The following PIK3C3 variants were observed in gnomAD, a reference collection of about 807,000 sequenced individuals.
PIK3C3 encodes the protein phosphatidylinositol 3-kinase catalytic subunit type 3, also known as PI3-kinase type 3.
PIK3C3 carries 95 observed loss-of-function variants against 126.1 expected under a neutral mutation model. That is an observed-to-expected ratio of 0.75 (90% CI 0.64 to 0.89). The LOEUF (loss-of-function observed/expected upper bound fraction) is 0.89. PIK3C3 is among the 40% of genes least tolerant of loss of function. The pLI is 0.00. For missense variants in PIK3C3, 829 were observed against 1,063.2 expected (o/e 0.78, Z 3.06); for synonymous variants, 374 against 360.0 (o/e 1.04, Z -0.44).
intron 11 of PIK3C3, 22 bp from the exon 12 acceptor site, chr18:42,015,454 A>T (rs1016089296): frequency 6.4e-7 from 1 of 1,565,244 alleles, no homozygotes; most frequent in South Asian, 1.1e-5. Context: ...CATCTCAGTG[A>T]TCTCTTTTAT....
At chr18:42,069,106 C>G (rs537685424) in intron 24 of PIK3C3, among the ~76,000 whole-genome samples, 1 of 152,150 alleles carries the variant, frequency 6.6e-6, no homozygotes, top group Non-Finnish European at 1.5e-5. Flanking sequence ...ATTCCTGCCT[C>G]TAGATGTTAG....
At chr18:42,013,383 T>A in intron 10 of PIK3C3, 59 bp from the exon 11 acceptor site, 1 of 941,332 alleles carries the variant, frequency 1.1e-6, no homozygotes, top group Admixed American at 2.8e-5. Flanking sequence ...GAATAAATTA[T>A]GTCTGTAATA....
intron 4 of PIK3C3, among the ~76,000 whole-genome samples, chr18:41,978,121 A>G (rs1242713259): frequency 6.6e-6 from 1 of 151,938 alleles, no homozygotes; most frequent in Non-Finnish European, 1.5e-5. Context: ...ACCATGTTTG[A>G]ATAGTTTCTT....
intron 24 of PIK3C3, among the ~76,000 whole-genome samples, chr18:42,072,669 G>C (rs1985824407): frequency 6.6e-6 from 1 of 152,018 alleles, no homozygotes; most frequent in Non-Finnish European, 1.5e-5. Context: ...GTAGCTAGGA[G>C]TACAGGCATG....
At chr18:41,957,105 T>TAC (rs1979817209) in intron 1 of PIK3C3, among the ~76,000 whole-genome samples, 4 of 152,228 alleles carry the variant, frequency 2.6e-5, no homozygotes, top group African/African-American at 9.6e-5. Context: ...AGCAATGACT[T>TAC]AATATTTTAT....
Position 42,043,814 on chromosome 18 carries a change from TG to T in PIK3C3, c.2186del (p.Cys729LeufsTer6). The T allele has an allele frequency of 1.2e-6, 2 of 1,609,748 alleles. No individual in the cohort carries two copies. The highest frequency in any genetic ancestry group is 8.5e-7 in the Non-Finnish European group (1 of 1,176,252). On this transcript the variant is annotated frameshift_variant and splice_region_variant, in exon 20 of 25. Transcript: ENST00000262039. LOFTEE classifies it high-confidence loss of function. The stretch of plus-strand genomic sequence containing the variant: ...GGTCATGGACACTTACGTTAAAAGC[TG>T]TGGTAAGTTTTTCAGGCTATTACTT... ...AEVMDTYVKS[C>X]AGYCVITYIL... is the part of the protein sequence containing the mutation.
intron 4 of PIK3C3, among the ~76,000 whole-genome samples, chr18:41,974,686 T>C (rs1980828206): frequency 2.0e-5 from 3 of 152,282 alleles, no homozygotes; most frequent in Admixed American, 1.3e-4. Context: ...TATTAAACTT[T>C]CCTTGTCCAT....
chr18:42,011,465 A>C (rs907090008), intron 10 of PIK3C3, among the ~76,000 whole-genome samples: 1 of 152,164 alleles, frequency 6.6e-6, no homozygotes, highest in Non-Finnish European at 1.5e-5. Context: ...TTTCTTTTGC[A>C]GTTTCCTCAC....
chr18:42,033,670 G>T (rs1325778319), intron 15 of PIK3C3, among the ~76,000 whole-genome samples, 156 bp from the exon 16 acceptor site: 1 of 152,170 alleles, frequency 6.6e-6, no homozygotes, highest in African/African-American at 2.4e-5. Context: ...TTATTTATAA[G>T]TGCTTGTCTC....
At position 42,013,342 on chromosome 18, in the gene PIK3C3, G is replaced by T. The variant is rs1982919072; in HGVS notation, c.1171-100G>T. ...AAAGTAATACAGCTGAAAAGTGATA[G>T]ATAAAAGTAAAATGTTTACTTGATA... On this transcript the variant is annotated intron_variant, in intron 10 of 24. Coordinates refer to ENST00000262039, the MANE Select transcript of PIK3C3 (RefSeq NM_002647.4). The T allele has an allele frequency of 1.4e-5, 10 of 738,936 alleles. No individual in the cohort carries two copies. The East Asian group carries it at 3.0e-4, about 22-fold the overall frequency. 45.8% of individuals were successfully genotyped at this position (738,936 alleles called of 1,614,324 possible).
intron 4 of PIK3C3, among the ~76,000 whole-genome samples, chr18:41,978,607 T>A (rs181299721): frequency 1.4e-4 from 22 of 152,348 alleles, no homozygotes; most frequent in African/African-American, 5.0e-4. Context: ...TTTCTTTCTT[T>A]TGAATGCATT....
chr18:42,057,327 A>G (rs2144504493), intron 21 of PIK3C3, among the ~76,000 whole-genome samples: 1 of 152,272 alleles, frequency 6.6e-6, no homozygotes, highest in Admixed American at 6.5e-5. Context: ...TTTCTTACAT[A>G]TTAGTAAAAT....
intron 6 of PIK3C3, 141 bp downstream of exon 6, chr18:41,990,695 C>T: frequency 1.7e-6 from 1 of 577,896 alleles, no homozygotes; most frequent in Non-Finnish European, 3.1e-6. Flanking sequence ...TTTATGTATA[C>T]AGAAATCAAA....
At chr18:42,058,936 A>G (rs1298178817) in intron 22 of PIK3C3, among the ~76,000 whole-genome samples, 1 of 152,196 alleles carries the variant, frequency 6.6e-6, no homozygotes, top group African/African-American at 2.4e-5. Flanking sequence ...TAACCAATAG[A>G]TAGCCAGTTG....
Position 42,029,370 on chromosome 18 carries a change from C to T in PIK3C3, c.1636C>T (p.Gln546Ter). 1 of 1,613,756 alleles carries T rather than the reference C, an allele frequency of 6.2e-7. No homozygotes were observed. Among genetic ancestry groups the T allele is most frequent in the Non-Finnish European group, 8.5e-7 (1 of 1,179,862 alleles). ...TATGCGTTCTTTGCTGGCTGCACAA[C>T]AGACATTTGTAGATCGGTTGGTGCA... ...RVMRSLLAAQ[Q>*]TFVDRLVHLM... Residue 546 changes from glutamine to a stop codon, truncating the protein, a stop_gained, in exon 15 of 25, where the codon CAG (glutamine) becomes TAG (stop). Coordinates refer to ENST00000262039, the MANE Select transcript of PIK3C3 (RefSeq NM_002647.4). LOFTEE classifies it high-confidence loss of function.
At chr18:42,007,987 G>A (rs1464502178) in intron 10 of PIK3C3, among the ~76,000 whole-genome samples, 1 of 151,898 alleles carries the variant, frequency 6.6e-6, no homozygotes, top group African/African-American at 2.4e-5. Flanking sequence ...TTCTTTTTCT[G>A]TGTGTTTAAA....
intron 1 of PIK3C3, among the ~76,000 whole-genome samples, chr18:41,956,833 GTC>G (rs1442781471): frequency 1.3e-5 from 2 of 152,132 alleles, no homozygotes; most frequent in Non-Finnish European, 2.9e-5. Flanking sequence ...TAGTTTATAA[GTC>G]TCTGTTTCCT....
intron 5 of PIK3C3, among the ~76,000 whole-genome samples, chr18:41,988,325 T>C (rs1981599408): frequency 6.6e-6 from 1 of 152,180 alleles, no homozygotes; most frequent in Admixed American, 6.6e-5. Flanking sequence ...CATATAGGAC[T>C]CCGCACCCTC....
At chr18:42,013,651 A>G in intron 11 of PIK3C3, 55 bp downstream of exon 11, 2 of 1,340,684 alleles carry the variant, frequency 1.5e-6, no homozygotes, top group Non-Finnish European at 2.1e-6. Flanking sequence ...TCCCTTTTCA[A>G]ATTGTTTTCT....
Sources: allele counts gnomAD v4.1 joint callset (sites outside exome capture counted in the v4.1 genomes callset), GRCh38; gene constraint gnomAD v4.1.1; transcripts MANE v1.5; gene names NCBI Gene and HGNC (gene_info 2026-07-23, HGNC 2026-07-21).